ANK1: variants seen among roughly 807,000 people sequenced by gnomAD.
The protein encoded by ANK1 is ankyrin-1.
In ANK1, 51 loss-of-function variants were observed where a neutral mutation model predicts 210.4. That is an observed-to-expected ratio of 0.24 (90% CI 0.19 to 0.31). The LOEUF is 0.31. Among genes scored for constraint, ANK1 ranks in the 10% least tolerant of loss-of-function variants. The pLI, the probability that ANK1 is intolerant of heterozygous loss-of-function variation, is 1.00. For missense variants in ANK1, 2,051 were observed against 2,504.4 expected (o/e 0.82, Z 3.86); for synonymous variants, 967 against 1,025.9 (o/e 0.94, Z 1.10).
At chr8:41,815,469 T>G (rs1442687094) in intron 1 of ANK1, among the ~76,000 whole-genome samples, 1 of 152,158 alleles carries the variant, frequency 6.6e-6, no homozygotes, top group Non-Finnish European at 1.5e-5. Context: ...TTTGACCCTA[T>G]AGGATCCCTC....
intron 4 of ANK1, 59 bp from the exon 5 acceptor site, chr8:41,727,407 C>A: frequency 2.5e-6 from 3 of 1,204,194 alleles, no homozygotes; most frequent in Middle Eastern, 1.9e-4. Context: ...AGGCCTACAC[C>A]AGCACAACGT....
At chr8:41,878,270 C>T (rs1349346067) in intron 1 of ANK1, among the ~76,000 whole-genome samples, 1 of 152,202 alleles carries the variant, frequency 6.6e-6, no homozygotes, top group African/African-American at 2.4e-5. Context: ...CTGCATCCAG[C>T]CTGGTGCCCC....
chr8:41,884,550 A>G (rs149967775), intron 1 of ANK1, among the ~76,000 whole-genome samples: 4 of 152,062 alleles, frequency 2.6e-5, no homozygotes, highest in Admixed American at 2.6e-4. Context: ...AAGGATGAGT[A>G]GAGGCCGAGC....
intron 1 of ANK1, among the ~76,000 whole-genome samples, chr8:41,813,969 A>C (rs779480515): frequency 2.6e-5 from 4 of 152,244 alleles, no homozygotes; most frequent in Non-Finnish European, 4.4e-5. Context: ...GTGACATTCC[A>C]GTCAAAGCAT....
intron 1 of ANK1, among the ~76,000 whole-genome samples, chr8:41,780,084 T>C (rs573161506): frequency 4.6e-5 from 7 of 152,328 alleles, no homozygotes; most frequent in African/African-American, 1.7e-4. Flanking sequence ...TACCCTGTGC[T>C]GAGGCCAATG....
At chr8:41,733,228 C>T (rs1032485121) in intron 3 of ANK1, among the ~76,000 whole-genome samples, 6 of 152,326 alleles carry the variant, frequency 3.9e-5, no homozygotes, top group African/African-American at 1.4e-4. Flanking sequence ...TGCCTGGCGT[C>T]GCCCCATGCC....
intron 24 of ANK1, 48 bp from the exon 25 acceptor site, chr8:41,696,821 C>G (rs1821159013): frequency 6.5e-7 from 1 of 1,542,052 alleles, no homozygotes; most frequent in Admixed American, 1.7e-5. Flanking sequence ...CCCGGGCCAG[C>G]TGGATGCCGT....
chr8:41,754,815 C>G (rs1838692960), intron 2 of ANK1, among the ~76,000 whole-genome samples: 1 of 152,196 alleles, frequency 6.6e-6, no homozygotes, highest in Non-Finnish European at 1.5e-5. Flanking sequence ...ACAGCAAAAC[C>G]AAACTGCCCT....
At chr8:41,670,451 G>T in intron 38 of ANK1, among the ~76,000 whole-genome samples, 1 of 152,240 alleles carries the variant, frequency 6.6e-6, no homozygotes, top group South Asian at 2.1e-4. Context: ...GCCCCTGCAG[G>T]TGCTCAATAA....
rs79120732 is a variant in ANK1, at chr8:41,701,664, C to T, written c.2389-42G>A. The T allele has an allele frequency of 1.5e-3, 2,465 of 1,596,252 alleles. 33 individuals are homozygous for T. In the African/African-American group the frequency reaches 0.03, roughly 19 times the overall value. ...CAGATAATTCAACCCAAACTAGAGC[C>T]GCACACATTTTTTACCAGCCCAGCG... On this transcript the variant is annotated intron_variant, in intron 21 of 42. Transcript: ENST00000289734.
At chr8:41,799,649 G>T (rs1483276899), upstream of ANK1, among the ~76,000 whole-genome samples, 2 of 152,068 alleles carry the variant, frequency 1.3e-5, no homozygotes, top group Non-Finnish European at 2.9e-5. Flanking sequence ...GGGCAACATG[G>T]TGCCTCCCCA....
At chr8:41,893,405 G>A (rs1819813233) in intron 1 of ANK1, among the ~76,000 whole-genome samples, 1 of 152,156 alleles carries the variant, frequency 6.6e-6, no homozygotes, top group South Asian at 2.1e-4. Flanking sequence ...CATTGTTAGA[G>A]CTCCAGAGTG....
intron 1 of ANK1, among the ~76,000 whole-genome samples, chr8:41,793,474 T>C (rs1232974391): frequency 1.3e-5 from 2 of 152,226 alleles, no homozygotes; most frequent in African/African-American, 4.8e-5. Flanking sequence ...AAGAACACTG[T>C]GAAGCCACTG....
chr8:41,818,283 G>T (rs1169753757), intron 1 of ANK1, among the ~76,000 whole-genome samples: 2 of 152,206 alleles, frequency 1.3e-5, no homozygotes, highest in Non-Finnish European at 2.9e-5. Context: ...GGGGCCCAGA[G>T]CTCCAGAGTT....
At chr8:41,870,452 G>A (rs934908104) in intron 1 of ANK1, among the ~76,000 whole-genome samples, 2 of 152,088 alleles carry the variant, frequency 1.3e-5, no homozygotes, top group East Asian at 1.9e-4. Flanking sequence ...GGACATGAGC[G>A]TCCCTCCATC....
intron 20 of ANK1, among the ~76,000 whole-genome samples, chr8:41,703,051 G>A (rs776337469): frequency 4.6e-5 from 7 of 151,774 alleles, no homozygotes; most frequent in Non-Finnish European, 8.8e-5. Context: ...GGCTGGTCTC[G>A]AACTCCTGAC....
At chr8:41,700,007 AAG>A (rs1341847298) in intron 22 of ANK1, among the ~76,000 whole-genome samples, 1 of 152,204 alleles carries the variant, frequency 6.6e-6, no homozygotes. Flanking sequence ...GCCTATCACA[AAG>A]AGTTTCAAAC....
At chr8:41,656,967 C>T (rs1805944183) in intron 42 of ANK1, among the ~76,000 whole-genome samples, 1 of 152,132 alleles carries the variant, frequency 6.6e-6, no homozygotes, top group Non-Finnish European at 1.5e-5. Context: ...GCCATCACAT[C>T]GGCCAAGTCT....
At chr8:41,665,409 G>T in intron 39 of ANK1, 1 of 641,150 alleles carries the variant, frequency 1.6e-6, no homozygotes, top group Non-Finnish European at 2.3e-6. Context: ...CACTGTGTGA[G>T]TGACACCCGC....
Sources: allele counts gnomAD v4.1 joint callset (sites outside exome capture counted in the v4.1 genomes callset), GRCh38; gene constraint gnomAD v4.1.1; transcripts MANE v1.5; gene names NCBI Gene and HGNC (gene_info 2026-07-23, HGNC 2026-07-21).